The following TIA1 variants were observed in gnomAD, a reference collection of about 807,000 sequenced individuals.
TIA1 encodes TIA1 cytotoxic granule associated RNA binding protein.
TIA1 carries 23 observed loss-of-function variants against 65.9 expected under a neutral mutation model. That is an observed-to-expected ratio of 0.35 (90% CI 0.25 to 0.49). The LOEUF (loss-of-function observed/expected upper bound fraction) is 0.49, where lower values mean the gene tolerates loss of function less well. TIA1 is among the 20% of genes least tolerant of loss of function. The pLI is 0.98. For missense variants in TIA1, 371 were observed against 477.9 expected, an observed-to-expected ratio of 0.78 and a Z score of 2.09; for synonymous variants, 147 against 149.4, an observed-to-expected ratio of 0.98 and a Z score of 0.12.
In TIA1 at chr2:70,212,143, T is replaced by C. The variant is rs576533204; in HGVS notation, c.*576A>G. 6.6e-6 allele frequency: 1 copy of C among 152,582 alleles called. No homozygotes were observed. The highest frequency in any genetic ancestry group is 1.9e-4 in the East Asian group (1 of 5,192). 9.5% of individuals were successfully genotyped at this position (152,582 alleles called of 1,614,324 possible). On this transcript the variant is annotated 3_prime_UTR_variant, in exon 13 of 13. Coordinates refer to ENST00000433529, the MANE Select transcript of TIA1 (RefSeq NM_022173.4). Reference sequence around the variant, plus strand: ...AGAACTTTAATAAGGCAAGACAAATTTGTGAAAAAAGATGTAGATACAAAA... The same window carrying C: ...AGAACTTTAATAAGGCAAGACAAATCTGTGAAAAAAGATGTAGATACAAAA...
intron 7 of TIA1, among the ~76,000 whole-genome samples, chr2:70,218,277 G>A (rs1573259537): frequency 6.6e-6 from 1 of 152,190 alleles, no homozygotes; most frequent in East Asian, 1.9e-4. Flanking sequence ...AGAGAGAAAA[G>A]TATTGCAAAG....
chr2:70,244,121 A>G (rs984368821), intron 1 of TIA1, among the ~76,000 whole-genome samples: 1 of 152,162 alleles, frequency 6.6e-6, no homozygotes, highest in African/African-American at 2.4e-5. Context: ...CAGGCTAACC[A>G]ACCAGCATGA....
chr2:70,217,415 CTTTTTT>C (rs1367398491), intron 7 of TIA1, among the ~76,000 whole-genome samples: 4 of 143,116 alleles, frequency 2.8e-5, no homozygotes, highest in East Asian at 4.1e-4. Context: ...TTTTTTTTTT[CTTTTTT>C]AAGTCTCGCT....
intron 7 of TIA1, among the ~76,000 whole-genome samples, chr2:70,217,589 C>T (rs977811697): frequency 3.9e-5 from 6 of 151,926 alleles, no homozygotes; most frequent in Admixed American, 6.6e-5. Context: ...AGTAGAGACA[C>T]GGTTTCGCCA....
chr2:70,210,914 C>G lies in TIA1; in HGVS notation c.*1805G>C, dbSNP rs1676323372. ...AATACACAGTGACTTAATGAAATAT[C>G]AGCACAACTGCATAGAATTGAGCTC... On this transcript the variant is annotated 3_prime_UTR_variant, in exon 13 of 13. Transcript: ENST00000433529. 1 of 152,116 alleles carries G rather than the reference C, an allele frequency of 6.6e-6. No homozygotes were observed. The highest frequency in any genetic ancestry group is 2.1e-4 in the South Asian group (1 of 4,830). The allele number at this position is 152,116 out of a possible 1,614,324, so 9.4% of individuals were successfully genotyped here.
At chr2:70,248,345 C>T in intron 1 of TIA1, 60 bp downstream of exon 1, 3 of 1,575,292 alleles carry the variant, frequency 1.9e-6, no homozygotes, top group Non-Finnish European at 2.6e-6. Flanking sequence ...GGCGCAGGGC[C>T]GAGGCCTTCC....
chr2:70,242,875 A>G (rs1692530396), intron 1 of TIA1, among the ~76,000 whole-genome samples: 1 of 151,916 alleles, frequency 6.6e-6, no homozygotes, highest in African/African-American at 2.4e-5. Context: ...TTCATCCTGA[A>G]ACCATCCCGC....
intron 1 of TIA1, among the ~76,000 whole-genome samples, chr2:70,243,117 T>C (rs1207557297): frequency 6.6e-6 from 1 of 152,210 alleles, no homozygotes; most frequent in Non-Finnish European, 1.5e-5. Flanking sequence ...AGATTAGTTA[T>C]GTCTTTTGCT....
At position 70,248,575 on chromosome 2, in the gene TIA1, C is replaced by T; in HGVS notation, c.-145G>A. On this transcript the variant is annotated 5_prime_UTR_variant, in exon 1 of 13. Coordinates refer to ENST00000433529, the MANE Select transcript of TIA1 (RefSeq NM_022173.4). ...CCGCCTCCTCCTCCGGCGGCAATTA[C>T]ACTAAACCGCCCGGCCCAGCGGGAA... The T allele has an allele frequency of 5.1e-6, 6 of 1,177,306 alleles. No individual in the cohort carries two copies. Among genetic ancestry groups the T allele is most frequent in the Non-Finnish European group, 7.3e-6 (6 of 817,728 alleles). The allele number at this position is 1,177,306 out of a possible 1,614,324, so 72.9% of individuals were successfully genotyped here.
chr2:70,240,925 A>C (rs1022002644), intron 1 of TIA1, among the ~76,000 whole-genome samples: 17 of 152,106 alleles, frequency 1.1e-4, no homozygotes, highest in African/African-American at 3.6e-4. Flanking sequence ...AACCAAATAC[A>C]ATCAATAATG....
upstream of TIA1, chr2:70,248,668 C>G (rs1695632049): frequency 1.7e-6 from 1 of 595,458 alleles, no homozygotes; most frequent in East Asian, 2.8e-5. Context: ...GTTACCCGGG[C>G]CGCGCAGGCG....
chr2:70,248,670 G>A, upstream of TIA1: 2 of 590,956 alleles, frequency 3.4e-6, no homozygotes, highest in Non-Finnish European at 6.0e-6. Flanking sequence ...TACCCGGGCC[G>A]CGCAGGCGCA....
At chr2:70,239,451 AT>A (rs1389801659) in intron 1 of TIA1, among the ~76,000 whole-genome samples, 1 of 152,120 alleles carries the variant, frequency 6.6e-6, no homozygotes, top group African/African-American at 2.4e-5. Context: ...ACCTCTAGTC[AT>A]TTTACAGAGT....
At position 70,210,843 on chromosome 2, in the gene TIA1, T is replaced by C. The variant is rs1676300308; in HGVS notation, c.*1876A>G. The C allele has an allele frequency of 6.6e-6, 1 of 152,154 alleles. No homozygotes were observed. Among genetic ancestry groups the C allele is most frequent in the African/African-American group, 2.4e-5 (1 of 41,432 alleles). 9.4% of individuals were successfully genotyped at this position (152,154 alleles called of 1,614,324 possible). ...ATAAAATTTCCAAGTATTTAAAAAA[T>C]TTACTCATCTTCCATAAAGCGACTT... On this transcript the variant is annotated 3_prime_UTR_variant, in exon 13 of 13. Transcript: ENST00000433529.
chr2:70,233,097 T>G (rs1687239198), intron 2 of TIA1, among the ~76,000 whole-genome samples: 1 of 152,208 alleles, frequency 6.6e-6, no homozygotes, highest in Admixed American at 6.5e-5. Context: ...ACTAGAAAGC[T>G]ACTAAAATAG....
At chr2:70,239,696 C>T (rs529346043) in intron 1 of TIA1, among the ~76,000 whole-genome samples, 1 of 152,238 alleles carries the variant, frequency 6.6e-6, no homozygotes, top group South Asian at 2.1e-4. Context: ...GTTAAGATGG[C>T]AAAGGAAGAA....
At chr2:70,229,948 A>C (rs181559517) in intron 3 of TIA1, among the ~76,000 whole-genome samples, 19 of 151,628 alleles carry the variant, frequency 1.3e-4, no homozygotes, top group African/African-American at 3.9e-4. Context: ...AAAAAAAAAA[A>C]ACAAAAAAAC....
At chr2:70,242,660 C>G (rs768973068) in intron 1 of TIA1, among the ~76,000 whole-genome samples, 10 of 152,072 alleles carry the variant, frequency 6.6e-5, no homozygotes, top group Admixed American at 2.6e-4. Context: ...CCAACTCCCC[C>G]CTAGGCCATG....
rs1487321222 is a variant in TIA1, at chr2:70,211,030, C to T, written c.*1689G>A. The T allele has an allele frequency of 1.3e-5, 2 of 152,106 alleles. No homozygotes were observed. The highest frequency in any genetic ancestry group is 2.9e-5 in the Non-Finnish European group (2 of 68,016). The allele number at this position is 152,106 out of a possible 1,614,324, so 9.4% of individuals were successfully genotyped here. ...CAGCTTGGAGTCATTTGCCCCTACC[C>T]GGGAAATGCAGGCCAGGAAACTTAA... On this transcript the variant is annotated 3_prime_UTR_variant, in exon 13 of 13. Transcript: ENST00000433529.
Sources: allele counts gnomAD v4.1 joint callset (sites outside exome capture counted in the v4.1 genomes callset), GRCh38; gene constraint gnomAD v4.1.1; transcripts MANE v1.5; gene names NCBI Gene and HGNC (gene_info 2026-07-23, HGNC 2026-07-21).